The following PDE1A variants were observed in gnomAD, a reference collection of about 807,000 sequenced individuals.
The protein encoded by PDE1A is phosphodiesterase 1A, also known as dual specificity calcium/calmodulin-dependent 3',5'-cyclic nucleotide phosphodiesterase 1A.
In PDE1A, 35 loss-of-function variants were observed where a neutral mutation model predicts 61.7. The observed-to-expected ratio is 0.57, with a 90% CI of 0.43 to 0.75. The LOEUF (loss-of-function observed/expected upper bound fraction) is 0.75, where lower values mean the gene tolerates loss of function less well. Among genes scored for constraint, PDE1A ranks in the 30% least tolerant of loss-of-function variants. The pLI, the probability that PDE1A is intolerant of heterozygous loss-of-function variation, is 0.00. For missense variants in PDE1A, 597 were observed against 630.6 expected, an observed-to-expected ratio of 0.95 and a Z score of 0.57; for synonymous variants, 232 against 213.2, an observed-to-expected ratio of 1.09 and a Z score of -0.77.
intron 1 of PDE1A, among the ~76,000 whole-genome samples, chr2:182,390,827 C>T (rs1701379776): frequency 6.6e-6 from 1 of 152,184 alleles, no homozygotes; most frequent in Non-Finnish European, 1.5e-5. Flanking sequence ...AACATCCCTA[C>T]CCACAACCAC....
chr2:182,568,684 AAC>A, the PDE1A span, among the ~76,000 whole-genome samples: 1 of 152,118 alleles, frequency 6.6e-6, no homozygotes, highest in African/African-American at 2.4e-5. Flanking sequence ...ATAAATAAAT[AAC>A]ACAGAGTAGG....
intron 2 of PDE1A, among the ~76,000 whole-genome samples, chr2:182,458,123 G>T (rs189342241): frequency 6.6e-6 from 1 of 151,964 alleles, no homozygotes; most frequent in Non-Finnish European, 1.5e-5. Context: ...AATTTTAGGA[G>T]AATGCCACTT....
chr2:182,349,916 T>TA (rs1698762679), intron 1 of PDE1A, among the ~76,000 whole-genome samples: 1 of 152,192 alleles, frequency 6.6e-6, no homozygotes, highest in Non-Finnish European at 1.5e-5. Flanking sequence ...TTTAACTTTT[T>TA]ATTGACATAT....
intron 12 of PDE1A, 117 bp from the exon 13 acceptor site, chr2:182,186,196 A>C: frequency 9.4e-7 from 1 of 1,058,866 alleles, no homozygotes. Context: ...GCTCAGTCCC[A>C]GTTCTGAGCA....
At chr2:182,312,920 T>C (rs902109489) in intron 1 of PDE1A, among the ~76,000 whole-genome samples, 1 of 152,184 alleles carries the variant, frequency 6.6e-6, no homozygotes, top group African/African-American at 2.4e-5. Flanking sequence ...TCTTGAGTCT[T>C]GACCATAAAC....
At chr2:182,562,509 A>G in the PDE1A span, among the ~76,000 whole-genome samples, 1 of 151,636 alleles carries the variant, frequency 6.6e-6, no homozygotes, top group Non-Finnish European at 1.5e-5. Flanking sequence ...TATTGGTCTA[A>G]AATTCTCTTT....
At chr2:182,626,498 C>A in the PDE1A span, among the ~76,000 whole-genome samples, 1 of 150,966 alleles carries the variant, frequency 6.6e-6, no homozygotes, top group South Asian at 2.1e-4. Context: ...ACATGTTGAA[C>A]ATATTAAACT....
the PDE1A span, among the ~76,000 whole-genome samples, chr2:182,608,747 C>G: frequency 6.6e-6 from 1 of 152,246 alleles, no homozygotes; most frequent in Admixed American, 6.5e-5. Flanking sequence ...CCACGGCGCC[C>G]AGTCCCATCA....
chr2:182,147,953 C>A (rs934277739), intron 13 of PDE1A, among the ~76,000 whole-genome samples: 1 of 152,158 alleles, frequency 6.6e-6, no homozygotes, highest in Non-Finnish European at 1.5e-5. Flanking sequence ...AGCATTGTAT[C>A]AATTCAGTTG....
chr2:182,457,508 ATTC>A (rs1258733968), intron 2 of PDE1A, among the ~76,000 whole-genome samples: 2 of 152,060 alleles, frequency 1.3e-5, no homozygotes, highest in Admixed American at 1.3e-4. Context: ...AGCATTCTAG[ATTC>A]TTCAAGTCAA....
intron 2 of PDE1A, among the ~76,000 whole-genome samples, chr2:182,491,816 A>G (rs1688413839): frequency 6.6e-6 from 1 of 152,162 alleles, no homozygotes; most frequent in Non-Finnish European, 1.5e-5. Flanking sequence ...AAATCCTTCA[A>G]GATACCAGGT....
intron 1 of PDE1A, among the ~76,000 whole-genome samples, chr2:182,324,961 G>A (rs1422627307): frequency 1.3e-5 from 2 of 152,184 alleles, no homozygotes; most frequent in African/African-American, 4.8e-5. Context: ...CTGCAGCTCA[G>A]AAAGGTTCAA....
intron 1 of PDE1A, among the ~76,000 whole-genome samples, chr2:182,407,384 T>C (rs1343580638): frequency 8.5e-6 from 1 of 118,080 alleles, no homozygotes; most frequent in African/African-American, 4.7e-5. Flanking sequence ...TTATTATTAT[T>C]TTTTTTTTAT....
chr2:182,555,998 T>C, the PDE1A span, among the ~76,000 whole-genome samples: 1 of 93,274 alleles, frequency 1.1e-5, no homozygotes, highest in African/African-American at 5.2e-5. Context: ...AAAAAAAGAG[T>C]GGCATTCTTT....
downstream of PDE1A, among the ~76,000 whole-genome samples, chr2:182,145,540 C>T (rs960708646): frequency 6.6e-6 from 1 of 152,058 alleles, no homozygotes; most frequent in Non-Finnish European, 1.5e-5. Flanking sequence ...CCAGCCTGGG[C>T]AACACGCTGA....
At chr2:182,559,264 C>A in the PDE1A span, among the ~76,000 whole-genome samples, 1 of 151,920 alleles carries the variant, frequency 6.6e-6, no homozygotes, top group Non-Finnish European at 1.5e-5. Context: ...ATCCAGAGAA[C>A]AAGGGAGACT....
chr2:182,292,841 GTA>G (rs1457472301), intron 1 of PDE1A, among the ~76,000 whole-genome samples: 3 of 151,842 alleles, frequency 2.0e-5, no homozygotes, highest in Admixed American at 2.0e-4. Flanking sequence ...ACAAATATCT[GTA>G]TATATAGCAT....
intron 1 of PDE1A, among the ~76,000 whole-genome samples, chr2:182,331,609 C>A (rs1697414103): frequency 6.6e-6 from 1 of 152,150 alleles, no homozygotes; most frequent in Non-Finnish European, 1.5e-5. Flanking sequence ...GCTTATGAAG[C>A]TTAGTTTGGC....
intron 1 of PDE1A, among the ~76,000 whole-genome samples, chr2:182,378,222 A>G (rs1417179476): frequency 6.6e-6 from 1 of 152,234 alleles, no homozygotes; most frequent in East Asian, 1.9e-4. Context: ...ATTGAGCTAA[A>G]GAAGCCCAAC....
Sources: gnomAD v4.1 joint callset for allele counts (sites outside exome capture counted in the v4.1 genomes callset) on GRCh38, gnomAD v4.1.1 for gene constraint, MANE v1.5 for transcripts, NCBI Gene and HGNC (gene_info 2026-07-23, HGNC 2026-07-21) for gene names.